The following OCIAD1 variants were observed in gnomAD, a reference collection of about 807,000 sequenced individuals.
OCIAD1 encodes OCIA domain-containing protein 1.
A neutral mutation model predicts 38.9 loss-of-function variants in OCIAD1; 29 were observed. The observed-to-expected ratio is 0.74, with a 90% confidence interval of 0.55 to 1.02. OCIAD1 has a LOEUF of 1.02. OCIAD1 is among the 50% of genes least tolerant of loss of function. The pLI, the probability that OCIAD1 is intolerant of heterozygous loss-of-function variation, is 0.00. For missense variants in OCIAD1, 288 were observed against 289.6 expected (o/e 0.99, Z 0.04); for synonymous variants, 110 against 92.0 (o/e 1.20, Z -1.12).
At position 48,811,601 on chromosome 4, in the gene OCIAD1, A is replaced by G. The variant is rs115126340; in HGVS notation, c.-103+6271A>G. On this transcript the variant is annotated intron_variant, in intron 1 of 6. Transcript: ENST00000504654. ...GGGAGGTGGAGGTTCCAGTGAGCCAAGATCATGCCACTGCACTACAGTCTG... is the reference window on the plus strand; with the variant it reads ...GGGAGGTGGAGGTTCCAGTGAGCCAGGATCATGCCACTGCACTACAGTCTG... 4.7e-3 allele frequency among the ~76,000 whole-genome samples: 713 copies of G among 152,334 alleles called. 4 individuals are homozygous for G. Among genetic ancestry groups the G allele is most frequent in the Middle Eastern group, 0.01 (3 of 294 alleles).
chr4:48,857,377 T>A lies in OCIAD1; in HGVS notation c.700+12T>A. 6.6e-7 allele frequency: 1 copy of A among 1,513,034 alleles called. No homozygotes were observed. The highest frequency in any genetic ancestry group is 8.8e-7 in the Non-Finnish European group (1 of 1,131,410). 93.7% of individuals were successfully genotyped at this position (1,513,034 alleles called of 1,614,324 possible). A position where few individuals can be genotyped will look rare whatever the true frequency, so the allele number is the denominator to read the frequency against. On this transcript the variant is annotated intron_variant, in intron 8 of 8. Transcript: ENST00000264312. ...GCCAAAAAAAGAAGGTATGATAGTTTAGTCTGAATCACTTTACTGTTGAGG... is the reference window on the plus strand; with the variant it reads ...GCCAAAAAAAGAAGGTATGATAGTTAAGTCTGAATCACTTTACTGTTGAGG...
At chr4:48,820,644 T>G (rs1405202440) in intron 1 of OCIAD1, among the ~76,000 whole-genome samples, 1 of 151,974 alleles carries the variant, frequency 6.6e-6, no homozygotes, top group Non-Finnish European at 1.5e-5. Flanking sequence ...ACCAAATAGA[T>G]GGACCACTAG....
At chr4:48,857,139 C>T in intron 7 of OCIAD1, 74 bp from the exon 8 acceptor site, 1 of 832,538 alleles carries the variant, frequency 1.2e-6, no homozygotes, top group Non-Finnish European at 1.7e-6. Flanking sequence ...TTGTAAGGAG[C>T]ATTTGTAAAA....
At position 48,850,076 on chromosome 4, in the gene OCIAD1, C is replaced by T. The variant is rs1779299735; in HGVS notation, c.371C>T (p.Pro124Leu). The change falls in exon 6 of 9, where the codon CCA becomes CTA. Residue 124 changes from proline (P) to leucine (L), a missense_variant. Pro to Leu is a moderately conservative substitution (Grantham distance 98, BLOSUM62 -3). Transcript: ENST00000264312. ...TCAGGACAAGCACGACGATCTTCAC[C>T]ACCTGGGTAGGCCAGATTCTGATCT... ...LRSGQARRSS[P>L]PGHYYQKSKY... 1.2e-6 allele frequency: 2 copies of T among 1,611,346 alleles called. No individual in the cohort carries two copies. Among genetic ancestry groups the T allele is most frequent in the Non-Finnish European group, 1.7e-6 (2 of 1,179,356 alleles).
chr4:48,825,157 A>T (rs1777236495), intron 1 of OCIAD1, among the ~76,000 whole-genome samples: 1 of 152,240 alleles, frequency 6.6e-6, no homozygotes, highest in African/African-American at 2.4e-5. Flanking sequence ...AAAAGTCCAG[A>T]CATGCCCAAT....
chr4:48,814,578 T>C (rs1777125375), intron 1 of OCIAD1, among the ~76,000 whole-genome samples: 1 of 152,164 alleles, frequency 6.6e-6, no homozygotes, highest in African/African-American at 2.4e-5. Context: ...TATTTTCCCC[T>C]TAAAAATAAA....
intron 5 of OCIAD1, 177 bp downstream of exon 5, chr4:48,848,623 A>C (rs1184351669): frequency 2.2e-5 from 9 of 405,486 alleles, no homozygotes; most frequent in Non-Finnish European, 3.9e-5. Context: ...GTTAGCATAA[A>C]AAATCATCAG....
upstream of OCIAD1, among the ~76,000 whole-genome samples, chr4:48,829,331 T>A (rs1777306982): frequency 6.6e-6 from 1 of 152,196 alleles, no homozygotes; most frequent in Non-Finnish European, 1.5e-5. Flanking sequence ...AATTTTTTTA[T>A]TTTTGTTTCT....
At position 48,857,337 on chromosome 4, in the gene OCIAD1, T is replaced by C; in HGVS notation, c.672T>C (p.Pro224=). The C allele has an allele frequency of 1.3e-6, 2 of 1,577,980 alleles. No homozygotes were observed. Among genetic ancestry groups the C allele is most frequent in the Non-Finnish European group, 1.7e-6 (2 of 1,164,102 alleles). The change falls in exon 8 of 9, where the codon CCT becomes CCC. Residue 224 remains proline, a synonymous_variant. Transcript: ENST00000264312. Reference sequence around the variant, plus strand: ...AAAAGACTGACCCCTCAGTCAGGCCTATGCATGAAAGAGTGCCAAAAAAAG... The same window carrying C: ...AAAAGACTGACCCCTCAGTCAGGCCCATGCATGAAAGAGTGCCAAAAAAAG... ...LTQKTDPSVR[P]MHERVPKKEV... is the part of the protein sequence containing the mutation.
intron 1 of OCIAD1, among the ~76,000 whole-genome samples, chr4:48,825,307 G>A (rs2109498487): frequency 6.6e-6 from 1 of 152,186 alleles, no homozygotes; most frequent in East Asian, 1.9e-4. Context: ...TGCATCCAGG[G>A]TATCTAGGGT....
intron 6 of OCIAD1, among the ~76,000 whole-genome samples, chr4:48,851,074 A>G (rs910168774): frequency 7.9e-5 from 12 of 152,254 alleles, no homozygotes; most frequent in African/African-American, 2.7e-4. Context: ...TAGGCAAGCA[A>G]TATAATCCCC....
intron 5 of OCIAD1, chr4:48,848,667 T>C: frequency 3.0e-6 from 1 of 328,220 alleles, no homozygotes; most frequent in Non-Finnish European, 5.5e-6. Context: ...CTTTATAATG[T>C]AATAGAACAA....
chr4:48,828,239 G>A (rs560413794), upstream of OCIAD1, among the ~76,000 whole-genome samples: 6 of 151,814 alleles, frequency 4.0e-5, no homozygotes, highest in South Asian at 1.0e-3. Flanking sequence ...TTTGTGTCTA[G>A]CTAAAGGATT....
intron 3 of OCIAD1, among the ~76,000 whole-genome samples, chr4:48,840,542 A>G (rs1778417307): frequency 6.6e-6 from 1 of 152,248 alleles, no homozygotes; most frequent in Non-Finnish European, 1.5e-5. Flanking sequence ...GCCCTATTCC[A>G]AAGTGATGGA....
At chr4:48,820,192 A>G (rs923095183) in intron 1 of OCIAD1, among the ~76,000 whole-genome samples, 3 of 152,206 alleles carry the variant, frequency 2.0e-5, no homozygotes, top group African/African-American at 7.2e-5. Context: ...GGAAATCATA[A>G]CAAACAGTCT....
chr4:48,832,600 A>C lies in OCIAD1; in HGVS notation c.-5-20A>C. The C allele has an allele frequency of 6.3e-7, 1 of 1,594,984 alleles. No individual in the cohort carries two copies. The highest frequency in any genetic ancestry group is 8.6e-7 in the Non-Finnish European group (1 of 1,162,546). On this transcript the variant is annotated intron_variant, in intron 1 of 8. Coordinates refer to ENST00000264312, the MANE Select transcript of OCIAD1 (RefSeq NM_017830.4). ...CTAGTGATAGTTTCTAATACTTAAT[A>C]TGTAATGTTTTTGATACAGGAAAGA...
In OCIAD1 at chr4:48,851,834, T is replaced by C. The variant is rs373729402; in HGVS notation, c.406T>C (p.Ser136Pro). The change falls in exon 7 of 9, where the codon TCA becomes CCA. Residue 136 changes from serine (S) to proline (P), a missense_variant. Coordinates refer to ENST00000264312, the MANE Select transcript of OCIAD1 (RefSeq NM_017830.4). ...CTATTATCAAAAGTCAAAATATGAC[T>C]CAAGTGTGAGTGGTCAATCATCTTT... ...GHYYQKSKYD[S>P]SVSGQSSFVT... 4.7e-5 allele frequency: 75 copies of C among 1,612,742 alleles called. No homozygotes were observed. The highest frequency in any genetic ancestry group is 6.1e-5 in the Non-Finnish European group (72 of 1,179,050).
chr4:48,858,163 C>T (rs1277783704), intron 8 of OCIAD1, among the ~76,000 whole-genome samples: 1 of 151,756 alleles, frequency 6.6e-6, no homozygotes, highest in Non-Finnish European at 1.5e-5. Context: ...CCCCCTCCCC[C>T]CGCCAAAAAA....
intron 1 of OCIAD1, among the ~76,000 whole-genome samples, chr4:48,822,805 G>T (rs1368294376): frequency 6.6e-6 from 1 of 152,158 alleles, no homozygotes. Context: ...ATCATCACTG[G>T]TCATTAGAGA....
Sources: gnomAD v4.1 joint callset for allele counts (sites outside exome capture counted in the v4.1 genomes callset) on GRCh38, gnomAD v4.1.1 for gene constraint, MANE v1.5 for transcripts, NCBI Gene and HGNC (gene_info 2026-07-23, HGNC 2026-07-21) for gene names.